Variants in MAGI2 observed in about 807,000 individuals in gnomAD.
The protein encoded by MAGI2 is membrane-associated guanylate kinase, WW and PDZ domain-containing protein 2.
MAGI2 carries 35 observed loss-of-function variants against 133.3 expected under a neutral mutation model. The observed-to-expected ratio is 0.26, with a 90% CI of 0.20 to 0.35. The LOEUF (loss-of-function observed/expected upper bound fraction) is 0.35, where lower values mean the gene tolerates loss of function less well. Ranked by LOEUF, MAGI2 falls within the 10% of genes least tolerant of loss-of-function variation. The pLI is 1.00. For missense variants in MAGI2, 1,636 were observed against 1,863.4 expected (o/e 0.88, Z 2.25); for synonymous variants, 729 against 710.6 (o/e 1.03, Z -0.41).
intron 2 of MAGI2, among the ~76,000 whole-genome samples, chr7:78,627,900 A>G (rs574048027): frequency 1.2e-4 from 19 of 152,330 alleles, no homozygotes; most frequent in African/African-American, 4.3e-4. Flanking sequence ...TGACTCCATC[A>G]CACAGGCTCT....
At chr7:79,037,589 T>C (rs1294251716) in intron 1 of MAGI2, among the ~76,000 whole-genome samples, 3 of 152,126 alleles carry the variant, frequency 2.0e-5, no homozygotes, top group African/African-American at 7.2e-5. Context: ...GTAATTGTTT[T>C]ATTAAAAAAA....
chr7:79,046,091 T>G (rs898842167), intron 1 of MAGI2, among the ~76,000 whole-genome samples: 2 of 152,178 alleles, frequency 1.3e-5, no homozygotes, highest in Non-Finnish European at 2.9e-5. Flanking sequence ...TATAATTATA[T>G]TAAAACAATT....
rs1451882032 is a variant in MAGI2 at position 78,132,466 on chromosome 7, T to G, written c.3203+423A>C. Among the ~76,000 whole-genome samples, 5 of 152,300 alleles carry G rather than the reference T, an allele frequency of 3.3e-5. No individual in the cohort carries two copies. The East Asian group carries it at 9.7e-4, about 29-fold the overall frequency. ...AGCATGCTTACAAGGCCCTTTAGGG[T>G]GGGCCCCAGCCACCCTCACTGGCTT... On this transcript the variant is annotated intron_variant, in intron 18 of 21. Transcript: ENST00000354212.
intron 3 of MAGI2, among the ~76,000 whole-genome samples, chr7:78,573,313 A>G (rs868191929): frequency 2.3e-5 from 1 of 43,444 alleles, no homozygotes; most frequent in African/African-American, 9.3e-5. Context: ...TATATATATA[A>G]ATATATAAAT....
Position 78,453,559 on chromosome 7 carries a change from C to T in MAGI2, c.1045+36202G>A, listed in dbSNP as rs553110919. On this transcript the variant is annotated intron_variant, in intron 6 of 21. Coordinates refer to ENST00000354212, the MANE Select transcript of MAGI2 (RefSeq NM_012301.4). ...TGTATGTGCCCTCAGGTGAGCTAGT[C>T]AACTTGCCCAAATGTCACTTCACTT... is the stretch of plus-strand genomic sequence containing the variant. Among the ~76,000 whole-genome samples, 3 of 152,284 alleles carry T rather than the reference C, an allele frequency of 2.0e-5. No homozygotes were observed. In the South Asian group the frequency reaches 6.2e-4, roughly 32 times the overall value.
intron 1 of MAGI2, among the ~76,000 whole-genome samples, chr7:79,017,393 A>G (rs1273226776): frequency 6.6e-6 from 1 of 152,070 alleles, no homozygotes; most frequent in Non-Finnish European, 1.5e-5. Context: ...GCCATAATCA[A>G]CCCCCCAAGG....
intron 6 of MAGI2, among the ~76,000 whole-genome samples, chr7:78,375,976 A>G (rs1184218333): frequency 1.3e-5 from 2 of 152,140 alleles, no homozygotes; most frequent in East Asian, 1.9e-4. Context: ...AAAAGGTATT[A>G]TATCTTTGTC....
rs75197282 is a variant in MAGI2 at position 78,378,092 on chromosome 7, A to G, written c.1046-8879T>C. 2.7e-3 allele frequency among the ~76,000 whole-genome samples: 410 copies of G among 152,222 alleles called. 4 individuals are homozygous for G. The East Asian group carries it at 0.046, about 17-fold the overall frequency. ...TAGTAAAAGATAGTTGACAAAAATG[A>G]TGAAATAAAATTTAAAAAAATCTGA... On this transcript the variant is annotated intron_variant, in intron 6 of 21. Transcript: ENST00000354212.
Position 78,125,681 on chromosome 7 carries a change from A to C in MAGI2, c.3567+13T>G. On this transcript the variant is annotated intron_variant, in intron 20 of 21. Transcript: ENST00000354212. ...CAGAATTAAGCAATTCTATAAAAAG[A>C]GACTGTTCTTACCCTCATCCTCCCA... 6.2e-7 allele frequency: 1 copy of C among 1,612,862 alleles called. No homozygotes were observed. The highest frequency in any genetic ancestry group is 8.5e-7 in the Non-Finnish European group (1 of 1,179,126).
intron 1 of MAGI2, among the ~76,000 whole-genome samples, chr7:79,369,113 A>C (rs1343923532): frequency 6.6e-6 from 1 of 152,176 alleles, no homozygotes; most frequent in Non-Finnish European, 1.5e-5. Context: ...ACCATTTCTG[A>C]GCATCTCTCC....
In MAGI2 at chr7:78,709,192, C is replaced by A. The variant is rs150454969; in HGVS notation, c.419-81953G>T. ...GACGTCTTAACTATGTCATACAAAG[C>A]CTCTAATGAGATAGAGCTCATGGCC... On this transcript the variant is annotated intron_variant, in intron 2 of 21. Transcript: ENST00000354212. Among the ~76,000 whole-genome samples the A allele has an allele frequency of 4.5e-4, 69 of 152,210 alleles. No individual in the cohort carries two copies. The East Asian group carries it at 0.012, about 27-fold the overall frequency.
At chr7:79,382,503 C>T (rs1359440710) in intron 1 of MAGI2, among the ~76,000 whole-genome samples, 1 of 151,474 alleles carries the variant, frequency 6.6e-6, no homozygotes, top group African/African-American at 2.4e-5. Context: ...TGCTTGGGAC[C>T]TAAATCACAG....
intron 2 of MAGI2, among the ~76,000 whole-genome samples, chr7:78,853,251 T>C (rs1413778992): frequency 6.8e-6 from 1 of 147,572 alleles, no homozygotes; most frequent in Non-Finnish European, 1.5e-5. Flanking sequence ...TGGAACTATA[T>C]AGGAGGAAAA....
chr7:79,196,708 C>A (rs185571486), intron 1 of MAGI2, among the ~76,000 whole-genome samples: 32 of 151,972 alleles, frequency 2.1e-4, no homozygotes, highest in Non-Finnish European at 1.0e-4. Context: ...CCTACTCTTT[C>A]ATTCTTTCCC....
chr7:78,141,413 C>A (rs1357977625), intron 16 of MAGI2, among the ~76,000 whole-genome samples: 2 of 152,132 alleles, frequency 1.3e-5, no homozygotes, highest in Non-Finnish European at 2.9e-5. Flanking sequence ...CAAACCCATT[C>A]AGATAGATAT....
At chr7:78,132,844 C>A (rs772012919) in intron 18 of MAGI2, 45 bp downstream of exon 18, 2 of 1,613,698 alleles carry the variant, frequency 1.2e-6, no homozygotes, top group East Asian at 2.2e-5. Context: ...CTCCTTTCCC[C>A]ACCCTATCAC....
chr7:78,617,518 T>A (rs1389931432), intron 3 of MAGI2: 1 of 152,092 alleles, frequency 6.6e-6, no homozygotes, highest in Non-Finnish European at 1.5e-5. Flanking sequence ...TTTAGTCTAG[T>A]GTTATGAATG....
chr7:78,694,920 C>T (rs1222822923), intron 2 of MAGI2, among the ~76,000 whole-genome samples: 2 of 152,094 alleles, frequency 1.3e-5, no homozygotes, highest in Non-Finnish European at 2.9e-5. Flanking sequence ...ACTAGGAATA[C>T]TGGTTTCCTT....
At chr7:78,918,808 G>A (rs555074314) in intron 2 of MAGI2, among the ~76,000 whole-genome samples, 63 of 152,048 alleles carry the variant, frequency 4.1e-4, no homozygotes, top group Admixed American at 7.2e-4. Context: ...CCAAATAATT[G>A]CATATAAGTT....
Sources: allele counts gnomAD v4.1 joint callset (sites outside exome capture counted in the v4.1 genomes callset), GRCh38; gene constraint gnomAD v4.1.1; transcripts MANE v1.5; gene names NCBI Gene and HGNC (gene_info 2026-07-23, HGNC 2026-07-21).